Variants in PREX2 observed in about 807,000 individuals in gnomAD.
The protein encoded by PREX2 is phosphatidylinositol 3,4,5-trisphosphate-dependent Rac exchanger 2 protein.
PREX2 carries 107 observed loss-of-function variants against 203.2 expected under a neutral mutation model. The observed-to-expected ratio is 0.53, with a 90% CI of 0.45 to 0.62. The LOEUF is 0.62. Among genes scored for constraint, PREX2 ranks in the 20% least tolerant of loss-of-function variants. PREX2 has a pLI of 0.00. For synonymous variants in PREX2, 672 were observed against 663.6 expected (o/e 1.01, Z -0.19); for missense variants, 1,777 against 1,955.9 (o/e 0.91, Z 1.72).
intron 33 of PREX2, among the ~76,000 whole-genome samples, chr8:68,141,116 C>T (rs1308400252): frequency 6.6e-6 from 1 of 152,080 alleles, no homozygotes; most frequent in Non-Finnish European, 1.5e-5. Flanking sequence ...GGCAATTTGA[C>T]CACTTCGTAA....
In PREX2 at chr8:68,228,540, A is replaced by T. The variant is rs566596132; in HGVS notation, c.4776-2793A>T. ...CACTTTGGGAGGCCGAGGCAGGCGGATCATGCGGTCAGGAGATCAAGACCA... is the reference window on the plus strand; with the variant it reads ...CACTTTGGGAGGCCGAGGCAGGCGGTTCATGCGGTCAGGAGATCAAGACCA... On this transcript the variant is annotated intron_variant, in intron 39 of 39. Transcript: ENST00000288368. 5.9e-5 allele frequency among the ~76,000 whole-genome samples: 9 copies of T among 152,196 alleles called. No homozygotes were observed. In the East Asian group the frequency reaches 1.7e-3, roughly 30 times the overall value.
intron 37 of PREX2, among the ~76,000 whole-genome samples, chr8:68,194,381 A>T (rs1211996632): frequency 1.3e-5 from 2 of 152,214 alleles, no homozygotes; most frequent in African/African-American, 4.8e-5. Context: ...AAAGGAAGAT[A>T]GGGTAGAGAA....
chr8:68,111,096 T>C, intron 25 of PREX2: 1 of 258,170 alleles, frequency 3.9e-6, no homozygotes, highest in Non-Finnish European at 7.7e-6. Flanking sequence ...TGATATATTT[T>C]AGAAACCAGT....
intron 1 of PREX2, among the ~76,000 whole-genome samples, chr8:68,015,413 A>G (rs1003230327): frequency 1.2e-4 from 18 of 152,222 alleles, no homozygotes; most frequent in African/African-American, 3.9e-4. Context: ...TTAAACAAAA[A>G]GTTCCATATT....
At chr8:67,952,571 G>A (rs1196073330) in intron 1 of PREX2, 36 bp downstream of exon 1, 35 of 1,591,116 alleles carry the variant, frequency 2.2e-5, no homozygotes, top group Non-Finnish European at 2.7e-5. Context: ...GGACGTCCGG[G>A]CGGCGCGGGG....
intron 38 of PREX2, among the ~76,000 whole-genome samples, chr8:68,219,205 T>C (rs908056796): frequency 6.6e-6 from 1 of 152,158 alleles, no homozygotes; most frequent in Non-Finnish European, 1.5e-5. Flanking sequence ...GAGGTAGTTA[T>C]GAGTTGGTGA....
intron 38 of PREX2, among the ~76,000 whole-genome samples, chr8:68,222,076 A>AAC (rs1439749379): frequency 6.6e-6 from 1 of 152,174 alleles, no homozygotes; most frequent in Non-Finnish European, 1.5e-5. Flanking sequence ...TGAACTGATA[A>AAC]ACACACACAC....
At chr8:68,070,238 TA>T (rs1809157879) in intron 13 of PREX2, among the ~76,000 whole-genome samples, 2 of 151,834 alleles carry the variant, frequency 1.3e-5, no homozygotes, top group African/African-American at 2.4e-5. Context: ...ATTACTTGTA[TA>T]TTAACTTTCT....
intron 37 of PREX2, among the ~76,000 whole-genome samples, chr8:68,199,040 G>T (rs1260427696): frequency 6.6e-6 from 1 of 152,120 alleles, no homozygotes; most frequent in Non-Finnish European, 1.5e-5. Flanking sequence ...TCTATTCCAG[G>T]AAACAGGGTC....
At chr8:68,007,029 T>C (rs1469790121) in intron 1 of PREX2, among the ~76,000 whole-genome samples, 1 of 152,226 alleles carries the variant, frequency 6.6e-6, no homozygotes, top group Non-Finnish European at 1.5e-5. Flanking sequence ...AGTTTCCTTG[T>C]TTATTTGCAG....
chr8:68,060,528 A>T, intron 10 of PREX2, 151 bp from the exon 11 acceptor site: 1 of 596,924 alleles, frequency 1.7e-6, no homozygotes, highest in Non-Finnish European at 2.9e-6. Flanking sequence ...TAGGCCTTAC[A>T]TATGTGAAAA....
chr8:68,055,271 A>G (rs373067732), intron 9 of PREX2, among the ~76,000 whole-genome samples: 3 of 152,168 alleles, frequency 2.0e-5, no homozygotes, highest in African/African-American at 7.2e-5. Context: ...CTACCAGCTC[A>G]TCTCCTATCT....
chr8:68,224,278 A>G (rs1813014005), intron 38 of PREX2, among the ~76,000 whole-genome samples: 1 of 152,128 alleles, frequency 6.6e-6, no homozygotes. Context: ...TGGCCCCTCA[A>G]AGTACTGGAA....
chr8:68,190,359 A>G (rs1295970641), intron 35 of PREX2, among the ~76,000 whole-genome samples: 1 of 152,182 alleles, frequency 6.6e-6, no homozygotes, highest in African/African-American at 2.4e-5. Flanking sequence ...ATTTAATGCC[A>G]TTGAACTGTA....
intron 8 of PREX2, among the ~76,000 whole-genome samples, chr8:68,048,035 A>G (rs1286058112): frequency 6.6e-6 from 1 of 152,014 alleles, no homozygotes; most frequent in Non-Finnish European, 1.5e-5. Context: ...AAAAATTTGT[A>G]TATATATTTA....
intron 9 of PREX2, among the ~76,000 whole-genome samples, chr8:68,055,176 A>T (rs1426280923): frequency 2.6e-5 from 4 of 152,038 alleles, no homozygotes; most frequent in Non-Finnish European, 5.9e-5. Context: ...TTCTCCTCCC[A>T]CTGGTTAAAA....
chr8:67,985,120 G>C (rs144014114), intron 1 of PREX2, among the ~76,000 whole-genome samples: 1 of 152,054 alleles, frequency 6.6e-6, no homozygotes, highest in Non-Finnish European at 1.5e-5. Context: ...AGAGAAAAAC[G>C]CTTTTGGATG....
chr8:68,228,706 C>T (rs1355663248), intron 39 of PREX2, among the ~76,000 whole-genome samples: 2 of 151,926 alleles, frequency 1.3e-5, no homozygotes, highest in African/African-American at 2.4e-5. Context: ...GTGGAGGTTG[C>T]AGTGAGCCGA....
chr8:68,194,489 G>A (rs963773634), intron 37 of PREX2, among the ~76,000 whole-genome samples: 4 of 151,972 alleles, frequency 2.6e-5, no homozygotes, highest in African/African-American at 9.7e-5. Context: ...TAAGATACTG[G>A]TATAAAATGA....
Sources: gnomAD v4.1 joint callset for allele counts (sites outside exome capture counted in the v4.1 genomes callset) on GRCh38, gnomAD v4.1.1 for gene constraint, MANE v1.5 for transcripts, NCBI Gene and HGNC (gene_info 2026-07-23, HGNC 2026-07-21) for gene names.